Variants in CANX observed in about 807,000 individuals in gnomAD.
CANX encodes epididymis secretory sperm binding protein.
A neutral mutation model predicts 75.7 loss-of-function variants in CANX; 14 were observed. The observed-to-expected ratio is 0.19, with a 90% CI of 0.12 to 0.29. The LOEUF (loss-of-function observed/expected upper bound fraction) is 0.29. CANX is among the 10% of genes least tolerant of loss of function. The pLI, the probability that CANX is intolerant of heterozygous loss-of-function variation, is 1.00. For synonymous variants in CANX, 227 were observed against 236.9 expected, an observed-to-expected ratio of 0.96 and a Z score of 0.38; for missense variants, 567 against 713.2, an observed-to-expected ratio of 0.79 and a Z score of 2.34.
chr5:179,711,499 G>A (rs1295294670), intron 7 of CANX, among the ~76,000 whole-genome samples: 1 of 151,572 alleles, frequency 6.6e-6, no homozygotes, highest in African/African-American at 2.4e-5. Flanking sequence ...AATAGAATAG[G>A]TGTTTTTGGC....
At chr5:179,702,766 C>T (rs1776855183) in intron 1 of CANX, among the ~76,000 whole-genome samples, 2 of 152,026 alleles carry the variant, frequency 1.3e-5, no homozygotes, top group African/African-American at 2.4e-5. Flanking sequence ...CATTACAGCT[C>T]ACTTTATTTT....
chr5:179,680,973 C>T, intron 1 of CANX: 1 of 1,462,928 alleles, frequency 6.8e-7, no homozygotes, highest in Non-Finnish European at 9.3e-7. Flanking sequence ...CGTTAGTCCT[C>T]ACTGTATGTT....
chr5:179,698,959 C>T (rs989031669), upstream of CANX: 3 of 1,115,438 alleles, frequency 2.7e-6, no homozygotes, highest in African/African-American at 3.5e-5. Flanking sequence ...GGGGCTCGCT[C>T]GCGCGGCAGC....
chr5:179,712,585 ATTT>A (rs755031455), intron 7 of CANX, among the ~76,000 whole-genome samples: 37 of 133,312 alleles, frequency 2.8e-4, no homozygotes, highest in Admixed American at 2.4e-3. Flanking sequence ...CGCCTGGCTA[ATTT>A]TTTTTTTTTT....
intron 12 of CANX, among the ~76,000 whole-genome samples, chr5:179,724,046 A>G (rs1017030012): frequency 2.6e-5 from 4 of 152,110 alleles, no homozygotes; most frequent in African/African-American, 9.7e-5. Flanking sequence ...AACTTTCTAA[A>G]AAAAAACAAT....
In CANX at chr5:179,729,176, T is replaced by C. The variant is rs1411134156; in HGVS notation, c.*532T>C. The C allele has an allele frequency of 1.2e-5, 2 of 168,658 alleles. No individual in the cohort carries two copies. Among genetic ancestry groups the C allele is most frequent in the Admixed American group, 1.2e-4 (2 of 16,344 alleles). 10.4% of individuals were successfully genotyped at this position (168,658 alleles called of 1,614,324 possible). On this transcript the variant is annotated 3_prime_UTR_variant, in exon 15 of 15. Transcript: ENST00000247461. ...AATCTTGTTTTGTTTGCTTCCATTA[T>C]TGAGTTCCTCCTAAGGAAATTGAGG...
At chr5:179,703,174 A>G (rs574009361) in intron 1 of CANX, among the ~76,000 whole-genome samples, 2 of 151,388 alleles carry the variant, frequency 1.3e-5, no homozygotes, top group South Asian at 2.1e-4. Context: ...TGGACTCCCA[A>G]TGTGCTGGGA....
At chr5:179,681,125 G>A (rs553902928) in intron 1 of CANX, among the ~76,000 whole-genome samples, 102 of 152,274 alleles carry the variant, frequency 6.7e-4, no homozygotes, top group African/African-American at 2.3e-3. Flanking sequence ...AAGGGGTGCT[G>A]ACCGCTGAGC....
chr5:179,688,526 G>A (rs1470389686), intron 1 of CANX, among the ~76,000 whole-genome samples: 4 of 150,400 alleles, frequency 2.7e-5, no homozygotes, highest in Non-Finnish European at 5.9e-5. Context: ...ACCACGCGCA[G>A]CTCATTTTTT....
intron 7 of CANX, among the ~76,000 whole-genome samples, chr5:179,715,355 A>G (rs1482523587): frequency 1.3e-5 from 2 of 152,110 alleles, no homozygotes; most frequent in Non-Finnish European, 1.5e-5. Context: ...CAACATTGCA[A>G]AACCCCATCT....
chr5:179,703,428 G>A (rs889541520), intron 1 of CANX, among the ~76,000 whole-genome samples: 3 of 151,410 alleles, frequency 2.0e-5, no homozygotes, highest in Non-Finnish European at 4.4e-5. Context: ...ATGTTTCCCT[G>A]GCTGGTCTCC....
intron 1 of CANX, among the ~76,000 whole-genome samples, chr5:179,686,102 C>CTTTTTTGTTTT (rs1554141381): frequency 7.8e-6 from 1 of 128,622 alleles, no homozygotes; most frequent in Non-Finnish European, 1.6e-5. Flanking sequence ...TTGTTCAAGT[C>CTTTTTTGTTTT]TTTTTTTTTT....
In CANX at chr5:179,699,021, CCT is replaced by C. The variant is rs1286746862; in HGVS notation, c.-78_-77del. ...GCACGTGACGGTCGGGCCGCCTCCG[CCT>C]CTCTCTTTACTGCGGCGCGGGGCAA... On this transcript the variant is annotated 5_prime_UTR_variant, in exon 1 of 15. Transcript: ENST00000247461. 4.5e-6 allele frequency: 5 copies of C among 1,116,596 alleles called. No homozygotes were observed. Among genetic ancestry groups the C allele is most frequent in the African/African-American group, 3.5e-5 (2 of 57,922 alleles). The allele number at this position is 1,116,596 out of a possible 1,614,324, so 69.2% of individuals were successfully genotyped here. A position where few individuals can be genotyped will look rare whatever the true frequency, so the allele number is the denominator to read the frequency against.
intron 1 of CANX, chr5:179,678,976 G>A: frequency 6.5e-7 from 1 of 1,535,926 alleles, no homozygotes; most frequent in Non-Finnish European, 8.7e-7. Context: ...GCTCGGCCTG[G>A]CGCGTGTTGT....
chr5:179,716,367 G>T (rs1281818087), intron 8 of CANX, 73 bp downstream of exon 8: 3 of 1,074,286 alleles, frequency 2.8e-6, no homozygotes, highest in Non-Finnish European at 4.1e-6. Context: ...ACAACGAAAT[G>T]TTGGTTGAGT....
intron 8 of CANX, among the ~76,000 whole-genome samples, chr5:179,718,028 A>G (rs1441239395): frequency 2.6e-5 from 4 of 151,026 alleles, no homozygotes; most frequent in Non-Finnish European, 5.9e-5. Flanking sequence ...TTTTCTTTAG[A>G]CATGATCTCT....
chr5:179,701,888 C>T (rs889578504), intron 1 of CANX, among the ~76,000 whole-genome samples: 2 of 151,406 alleles, frequency 1.3e-5, no homozygotes, highest in African/African-American at 4.9e-5. Flanking sequence ...TACAGGTGCC[C>T]ACCACCACAC....
At chr5:179,705,560 T>G (rs1777073131) in intron 1 of CANX, 119 bp from the exon 2 acceptor site, 4 of 735,836 alleles carry the variant, frequency 5.4e-6, no homozygotes, top group Non-Finnish European at 9.1e-6. Flanking sequence ...AATGAAATAG[T>G]AAGTTCTTTT....
chr5:179,693,145 C>CA (rs766961125), intron 1 of CANX, among the ~76,000 whole-genome samples: 68,681 of 92,860 alleles, frequency 0.74, 25,805 homozygotes, highest in Non-Finnish European at 0.83. Flanking sequence ...AACTCCGTCT[C>CA]AAAAAAAAAA....
Sources: gnomAD v4.1 joint callset for allele counts (sites outside exome capture counted in the v4.1 genomes callset) on GRCh38, gnomAD v4.1.1 for gene constraint, MANE v1.5 for transcripts, NCBI Gene and HGNC (gene_info 2026-07-23, HGNC 2026-07-21) for gene names.